The following RALGAPA2 variants were observed in gnomAD, a reference collection of about 807,000 sequenced individuals.
The protein encoded by RALGAPA2 is Ral GTPase activating protein catalytic subunit alpha 2, also known as ral GTPase-activating protein subunit alpha-2.
RALGAPA2 carries 139 observed loss-of-function variants against 230.4 expected under a neutral mutation model. The observed-to-expected ratio is 0.60, with a 90% CI of 0.53 to 0.69. The LOEUF is 0.69. Ranked by LOEUF, RALGAPA2 falls within the 30% of genes least tolerant of loss-of-function variation. The pLI is 0.00. For missense variants in RALGAPA2, 2,163 were observed against 2,276.0 expected (o/e 0.95, Z 1.01); for synonymous variants, 847 against 837.8 (o/e 1.01, Z -0.19).
chr20:20,496,057 C>G (rs2062196023), intron 35 of RALGAPA2, among the ~76,000 whole-genome samples: 1 of 152,156 alleles, frequency 6.6e-6, no homozygotes, highest in African/African-American at 2.4e-5. Context: ...TGCACTGGGG[C>G]TTCCAATTCA....
At chr20:20,541,692 A>G (rs897795545) in intron 24 of RALGAPA2, among the ~76,000 whole-genome samples, 1 of 152,166 alleles carries the variant, frequency 6.6e-6, no homozygotes, top group African/African-American at 2.4e-5. Context: ...ATATTTTTGG[A>G]CCACCACTGA....
At chr20:20,668,849 C>T (rs2146732044) in intron 3 of RALGAPA2, among the ~76,000 whole-genome samples, 1 of 152,168 alleles carries the variant, frequency 6.6e-6, no homozygotes, top group South Asian at 2.1e-4. Context: ...GCAGTGTTAG[C>T]CCGACAGAGC....
At chr20:20,683,084 TCCACC>T (rs1424681723) in intron 1 of RALGAPA2, among the ~76,000 whole-genome samples, 6 of 152,192 alleles carry the variant, frequency 3.9e-5, no homozygotes, top group Non-Finnish European at 5.9e-5. Flanking sequence ...GGAACCTCCA[TCCACC>T]CCGCTGCTCT....
At chr20:20,652,123 A>T (rs1056290168) in intron 4 of RALGAPA2, among the ~76,000 whole-genome samples, 1 of 152,238 alleles carries the variant, frequency 6.6e-6, no homozygotes, top group African/African-American at 2.4e-5. Flanking sequence ...TTAAATTAAG[A>T]ACATATAACT....
chr20:20,656,815 G>C (rs79889602), intron 3 of RALGAPA2, among the ~76,000 whole-genome samples: 1 of 152,218 alleles, frequency 6.6e-6, no homozygotes, highest in East Asian at 1.9e-4. Context: ...CACAAGCAAA[G>C]AGATTAGAAC....
chr20:20,579,559 T>C (rs2145987449), intron 20 of RALGAPA2, among the ~76,000 whole-genome samples: 1 of 152,352 alleles, frequency 6.6e-6, no homozygotes, highest in African/African-American at 2.4e-5. Flanking sequence ...ACAGAATTCT[T>C]AAAAGTTTCT....
At chr20:20,475,837 T>C (rs1004842497) in intron 36 of RALGAPA2, among the ~76,000 whole-genome samples, 1 of 152,114 alleles carries the variant, frequency 6.6e-6, no homozygotes, top group African/African-American at 2.4e-5. Context: ...ACAGATATCA[T>C]GATTATGTAT....
At chr20:20,680,589 G>C in intron 2 of RALGAPA2, 102 bp downstream of exon 2, 1 of 1,389,626 alleles carries the variant, frequency 7.2e-7, no homozygotes, top group Non-Finnish European at 9.4e-7. Context: ...TAAAGGCTTG[G>C]CAAGAAAGAA....
chr20:20,512,685 C>G lies in RALGAPA2; in HGVS notation c.4684G>C (p.Glu1562Gln). 1 of 1,613,944 alleles carries G rather than the reference C, an allele frequency of 6.2e-7. No individual in the cohort carries two copies. The highest frequency in any genetic ancestry group is 2.2e-5 in the East Asian group (1 of 44,882). Residue 1562 changes from glutamate (E) to glutamine (Q), a missense_variant, in exon 32 of 40, where the codon GAG becomes CAG. Glu to Gln is a conservative substitution (Grantham distance 29). Coordinates refer to ENST00000202677, the MANE Select transcript of RALGAPA2 (RefSeq NM_020343.4). ...TGAGCATTTTGGCGCAAAATGACCT[C>G]AATGATTTCCTTCTCTTGGTCATAG... The part of the protein sequence containing the change: ...MNYDQEKEII[E>Q]VILRQNAQED...
At chr20:20,706,559 C>T (rs939297799) in intron 1 of RALGAPA2, among the ~76,000 whole-genome samples, 1 of 152,066 alleles carries the variant, frequency 6.6e-6, no homozygotes, top group African/African-American at 2.4e-5. Context: ...ACTAAAACAC[C>T]GGAGGAGATT....
intron 2 of RALGAPA2, among the ~76,000 whole-genome samples, chr20:20,677,629 A>ATTTTTTTTTT (rs758379115): frequency 1.7e-4 from 11 of 64,312 alleles, no homozygotes; most frequent in African/African-American, 2.9e-4. Context: ...GATTTGACCC[A>ATTTTTTTTTT]TTTTTTTTTT....
intron 31 of RALGAPA2, among the ~76,000 whole-genome samples, chr20:20,518,364 A>G (rs1207922420): frequency 6.6e-6 from 1 of 152,178 alleles, no homozygotes; most frequent in Non-Finnish European, 1.5e-5. Context: ...CACCCTGACC[A>G]GAGATAGTTT....
chr20:20,710,364 T>C (rs535180677), intron 1 of RALGAPA2, among the ~76,000 whole-genome samples: 3 of 152,330 alleles, frequency 2.0e-5, no homozygotes, highest in South Asian at 4.1e-4. Context: ...ATAGAATATG[T>C]GATTAGGTAG....
intron 1 of RALGAPA2, among the ~76,000 whole-genome samples, chr20:20,699,623 A>G (rs1230029366): frequency 6.6e-6 from 1 of 152,218 alleles, no homozygotes; most frequent in Non-Finnish European, 1.5e-5. Context: ...TTTTCCAAAT[A>G]ACCCCATTTA....
At chr20:20,508,508 C>T (rs57489031) in intron 33 of RALGAPA2, among the ~76,000 whole-genome samples, 1,684 of 152,326 alleles carry the variant, frequency 0.011, 26 homozygotes, top group African/African-American at 0.039. Context: ...AAGGCATTTA[C>T]ATCTAACAGG....
chr20:20,637,712 C>T (rs1230722994), intron 7 of RALGAPA2, among the ~76,000 whole-genome samples: 1 of 152,144 alleles, frequency 6.6e-6, no homozygotes, highest in Non-Finnish European at 1.5e-5. Context: ...TTAAAAACAG[C>T]ATTTTTACTT....
At chr20:20,710,157 C>CT (rs1302933231) in intron 1 of RALGAPA2, among the ~76,000 whole-genome samples, 8 of 151,816 alleles carry the variant, frequency 5.3e-5, no homozygotes, top group African/African-American at 1.9e-4. Flanking sequence ...TCTTTGCATA[C>CT]TTAAAAAAAA....
At chr20:20,646,537 C>G (rs2067221821) in intron 4 of RALGAPA2, among the ~76,000 whole-genome samples, 1 of 152,168 alleles carries the variant, frequency 6.6e-6, no homozygotes, top group South Asian at 2.1e-4. Flanking sequence ...TAAATAAGAT[C>G]TAATTACTTG....
chr20:20,415,462 T>C (rs1240795840), intron 37 of RALGAPA2, among the ~76,000 whole-genome samples: 2 of 152,368 alleles, frequency 1.3e-5, no homozygotes, highest in East Asian at 1.9e-4. Flanking sequence ...CAAAGTACTT[T>C]TTTAAAGAGC....
Sources: allele counts gnomAD v4.1 joint callset (sites outside exome capture counted in the v4.1 genomes callset), GRCh38; gene constraint gnomAD v4.1.1; transcripts MANE v1.5; gene names NCBI Gene and HGNC (gene_info 2026-07-23, HGNC 2026-07-21).